EVC2: variants seen among roughly 807,000 people sequenced by gnomAD.
The protein encoded by EVC2 is EvC ciliary complex subunit 2.
In EVC2, 148 loss-of-function variants were observed where a neutral mutation model predicts 149.3. That is an observed-to-expected ratio of 0.99 (90% CI 0.87 to 1.14). The LOEUF (loss-of-function observed/expected upper bound fraction) is 1.14, where lower values mean the gene tolerates loss of function less well. Ranked by LOEUF, EVC2 falls within the 50% of genes most tolerant of loss-of-function variation. The probability of loss-of-function intolerance (pLI) is 0.00; values close to 1 mark genes in which losing one functional copy is unlikely to be tolerated. For missense variants in EVC2, 1,854 were observed against 1,627.3 expected, an observed-to-expected ratio of 1.14 and a Z score of -2.40; for synonymous variants, 776 against 649.9, an observed-to-expected ratio of 1.19 and a Z score of -2.95.
At chr4:5,619,559 A>G (rs73198139) in intron 14 of EVC2, among the ~76,000 whole-genome samples, 10,418 of 152,218 alleles carry the variant, frequency 0.068, 1,073 homozygotes, top group African/African-American at 0.22. Context: ...TGGACTTCCT[A>G]CCTTCAGAAC....
At chr4:5,596,708 G>C (rs1182749973) in intron 16 of EVC2, among the ~76,000 whole-genome samples, 1 of 152,118 alleles carries the variant, frequency 6.6e-6, no homozygotes, top group East Asian at 1.9e-4. Context: ...AAGGCAAGAA[G>C]TAACTAAAAT....
chr4:5,558,538 G>C (rs1276555609), downstream of EVC2, among the ~76,000 whole-genome samples: 1 of 152,122 alleles, frequency 6.6e-6, no homozygotes, highest in African/African-American at 2.4e-5. Context: ...AATACATAAT[G>C]CCATGTCAAT....
intron 5 of EVC2, 146 bp downstream of exon 5, chr4:5,689,011 C>T: frequency 1.2e-6 from 1 of 857,868 alleles, no homozygotes; most frequent in Non-Finnish European, 1.8e-6. Flanking sequence ...TTTTTTGATA[C>T]CCTGATAGTA....
At chr4:5,684,493 G>A (rs1324322065) in intron 6 of EVC2, among the ~76,000 whole-genome samples, 1 of 152,152 alleles carries the variant, frequency 6.6e-6, no homozygotes, top group African/African-American at 2.4e-5. Flanking sequence ...TCCAGAGGCT[G>A]AAGACACAAT....
At chr4:5,595,336 C>T (rs1345157296) in intron 16 of EVC2, among the ~76,000 whole-genome samples, 1 of 152,152 alleles carries the variant, frequency 6.6e-6, no homozygotes, top group Non-Finnish European at 1.5e-5. Context: ...GGGTTACCCT[C>T]AAAGGGAAGC....
intron 16 of EVC2, among the ~76,000 whole-genome samples, chr4:5,612,499 T>A (rs987530236): frequency 2.6e-5 from 4 of 151,814 alleles, no homozygotes; most frequent in Non-Finnish European, 4.4e-5. Flanking sequence ...TAGGAAGAGG[T>A]TGCTCCCTGC....
At chr4:5,645,553 C>A in intron 9 of EVC2, among the ~76,000 whole-genome samples, 1 of 152,136 alleles carries the variant, frequency 6.6e-6, no homozygotes, top group Non-Finnish European at 1.5e-5. Flanking sequence ...AGGATAATAG[C>A]CTTCAGCTCC....
At chr4:5,537,835 A>G (rs1721448570), downstream of EVC2, among the ~76,000 whole-genome samples, 1 of 152,220 alleles carries the variant, frequency 6.6e-6, no homozygotes, top group Admixed American at 6.5e-5. Context: ...ATATTTAGAA[A>G]AGAATTCTCA....
At chr4:5,648,245 T>C (rs989049079) in intron 9 of EVC2, among the ~76,000 whole-genome samples, 9 of 152,238 alleles carry the variant, frequency 5.9e-5, no homozygotes, top group African/African-American at 2.2e-4. Flanking sequence ...CTGATCTATC[T>C]AGAGCTGACA....
Position 5,695,360 on chromosome 4 carries a change from GA to G in EVC2, c.284-860del, listed in dbSNP as rs531995718. On this transcript the variant is annotated intron_variant, in intron 2 of 21. Transcript: ENST00000344408. The stretch of plus-strand genomic sequence containing the variant: ...AAGACTCCATCTCAAAAAAAAAAAA[GA>G]AAAAAAAAAGAAGAAAGAAATGACT... 1.5e-4 allele frequency among the ~76,000 whole-genome samples: 22 copies of G among 144,192 alleles called. No individual in the cohort carries two copies. The South Asian group carries it at 2.3e-3, about 15-fold the overall frequency. The allele number at this position is 144,192 out of a possible 152,430, so 94.6% of individuals were successfully genotyped here.
At chr4:5,638,423 G>A (rs538814146) in intron 10 of EVC2, among the ~76,000 whole-genome samples, 2 of 151,792 alleles carry the variant, frequency 1.3e-5, no homozygotes, top group Non-Finnish European at 2.9e-5. Flanking sequence ...AACAGATTTA[G>A]GAAAGAATCA....
intron 7 of EVC2, among the ~76,000 whole-genome samples, chr4:5,671,482 T>C (rs1719644892): frequency 6.6e-6 from 1 of 152,212 alleles, no homozygotes; most frequent in Non-Finnish European, 1.5e-5. Context: ...CAGGCTTTAT[T>C]CCCTTTTTAA....
chr4:5,655,120 T>C (rs1288165716), intron 9 of EVC2, among the ~76,000 whole-genome samples: 1 of 152,166 alleles, frequency 6.6e-6, no homozygotes, highest in Admixed American at 6.5e-5. Flanking sequence ...AGAGTTGCCG[T>C]GGGAACCCAG....
intron 16 of EVC2, among the ~76,000 whole-genome samples, chr4:5,585,413 C>T (rs1253614306): frequency 6.6e-6 from 1 of 152,134 alleles, no homozygotes; most frequent in African/African-American, 2.4e-5. Flanking sequence ...CTATAGTTTC[C>T]ACGGAAGCGG....
intron 9 of EVC2, among the ~76,000 whole-genome samples, chr4:5,649,373 T>A (rs1167004507): frequency 1.3e-5 from 2 of 152,186 alleles, no homozygotes; most frequent in African/African-American, 4.8e-5. Context: ...TTACTAAATG[T>A]AAGCTATTAA....
intron 16 of EVC2, among the ~76,000 whole-genome samples, chr4:5,586,421 T>C (rs773524930): frequency 1.1e-4 from 17 of 152,108 alleles, no homozygotes; most frequent in South Asian, 8.3e-4. Context: ...CCCTCAACCA[T>C]CTGAATGGAC....
the EVC2 span, among the ~76,000 whole-genome samples, chr4:5,533,291 G>T: frequency 6.6e-6 from 1 of 152,156 alleles, no homozygotes; most frequent in Non-Finnish European, 1.5e-5. Context: ...AGCCACGTGG[G>T]TGTTGGAGGA....
At chr4:5,620,503 T>C (rs73198143) in intron 14 of EVC2, among the ~76,000 whole-genome samples, 3,603 of 152,340 alleles carry the variant, frequency 0.024, 109 homozygotes, top group African/African-American at 0.071. Context: ...ACCAGTTTTA[T>C]AGTAACCCTA....
At chr4:5,572,576 G>T (rs542746749) in intron 19 of EVC2, among the ~76,000 whole-genome samples, 1 of 152,290 alleles carries the variant, frequency 6.6e-6, no homozygotes, top group South Asian at 2.1e-4. Flanking sequence ...GCATCTGCAG[G>T]TACCTTGATT....
Sources: allele counts gnomAD v4.1 joint callset (sites outside exome capture counted in the v4.1 genomes callset), GRCh38; gene constraint gnomAD v4.1.1; transcripts MANE v1.5; gene names NCBI Gene and HGNC (gene_info 2026-07-23, HGNC 2026-07-21).